Variants in P2RX5 observed in about 807,000 individuals in gnomAD.
The protein encoded by P2RX5 is purinergic receptor P2X 5.
A neutral mutation model predicts 54.1 loss-of-function variants in P2RX5; 46 were observed. The ratio of observed to expected loss-of-function variants is 0.85; its 90% CI spans 0.67 to 1.09. P2RX5 has a LOEUF of 1.09. Ranked by LOEUF, P2RX5 falls within the 50% of genes least tolerant of loss-of-function variation. The pLI is 0.00. For missense variants in P2RX5, 566 were observed against 549.8 expected, an observed-to-expected ratio of 1.03 and a Z score of -0.29; for synonymous variants, 226 against 226.4, an observed-to-expected ratio of 1.00 and a Z score of 0.02.
At chr17:3,702,027 C>T in the P2RX5 span, among the ~76,000 whole-genome samples, 65 of 152,266 alleles carry the variant, frequency 4.3e-4, no homozygotes, top group Non-Finnish European at 8.8e-4. Flanking sequence ...GATCCACCCA[C>T]CTGGGCCTCC....
In P2RX5 at chr17:3,679,652, C is replaced by A. The variant is rs780679419; in HGVS notation, c.1197G>T (p.Lys399Asn). 9 of 1,610,756 alleles carry A rather than the reference C, an allele frequency of 5.6e-6. No homozygotes were observed. The highest frequency in any genetic ancestry group is 5.0e-5 in the Admixed American group (3 of 60,000). Residue 399 changes from lysine (K) to asparagine (N), a missense_variant, in exon 11 of 12, where the codon AAG becomes AAT. Physicochemically the swap from Lys to Asn is moderately conservative, Grantham distance 94. Coordinates refer to ENST00000225328, the MANE Select transcript of P2RX5 (RefSeq NM_002561.4). ...TCCCCTTCTGACTGCTGCTTCCACG[C>A]TTCGCCTCGGGTGGCTCCTGCAGCT... Reference protein sequence around the residue: ...QQELQEPPEAKRGSSSQKGNG... With the variant: ...QQELQEPPEANRGSSSQKGNG...
the P2RX5 span, among the ~76,000 whole-genome samples, chr17:3,701,761 G>GTTT: frequency 1.2e-5 from 1 of 84,408 alleles, no homozygotes; most frequent in African/African-American, 5.3e-5. Context: ...TTTTTTTTTT[G>GTTT]TTTTTTTTTT....
chr17:3,679,519 G>T, intron 11 of P2RX5, 71 bp downstream of exon 11: 1 of 1,421,314 alleles, frequency 7.0e-7, no homozygotes, highest in Non-Finnish European at 9.8e-7. Flanking sequence ...TGCCAGGCAT[G>T]AGAAGCCCCA....
rs143635286 is a variant in P2RX5, at chr17:3,679,747, C to T, written c.1102G>A (p.Ala368Thr). ...EDSSQEAEDE[A>T]SGLGLSEQLT... Reference sequence around the variant, plus strand: ...TGCTCAGATAGCCCCAGCCCCGATGCCTCGTCCTCGGCCTCCTGGGAACTG... The same window carrying T: ...TGCTCAGATAGCCCCAGCCCCGATGTCTCGTCCTCGGCCTCCTGGGAACTG... The change falls in exon 11 of 12, where the codon GCA becomes ACA. Residue 368 changes from alanine to threonine, a missense_variant. Physicochemically the swap from Ala to Thr is moderately conservative, Grantham distance 58. Coordinates refer to ENST00000225328, the MANE Select transcript of P2RX5 (RefSeq NM_002561.4). The T allele has an allele frequency of 1.1e-5, 18 of 1,611,882 alleles. No individual in the cohort carries two copies. In the African/African-American group the frequency reaches 2.1e-4, roughly 19 times the overall value.
At chr17:3,683,544 A>G (rs113017373) in intron 9 of P2RX5, among the ~76,000 whole-genome samples, 131 of 152,308 alleles carry the variant, frequency 8.6e-4, no homozygotes, top group African/African-American at 3.0e-3. Context: ...CAGCCTGGCC[A>G]ACATGGTGAA....
upstream of P2RX5, among the ~76,000 whole-genome samples, chr17:3,698,807 C>T (rs1019478480): frequency 6.6e-6 from 1 of 152,060 alleles, no homozygotes; most frequent in African/African-American, 2.4e-5. Context: ...CTCTCGGGGA[C>T]AGGACCAGGC....
intron 11 of P2RX5, among the ~76,000 whole-genome samples, chr17:3,674,899 C>T (rs1448080593): frequency 6.6e-6 from 1 of 152,176 alleles, no homozygotes; most frequent in Non-Finnish European, 1.5e-5. Context: ...GGTTCAATGC[C>T]CCATTAGACT....
chr17:3,678,089 G>C, intron 11 of P2RX5: 3 of 985,444 alleles, frequency 3.0e-6, no homozygotes, highest in Non-Finnish European at 3.6e-6. Flanking sequence ...CATCTCCACT[G>C]TCTGCAGCTG....
chr17:3,684,941 G>A (rs2050397439), intron 9 of P2RX5, among the ~76,000 whole-genome samples: 1 of 146,562 alleles, frequency 6.8e-6, no homozygotes, highest in African/African-American at 2.5e-5. Context: ...CTCCTCCCGG[G>A]TTCAAGCGAT....
chr17:3,708,651 G>A, the P2RX5 span, among the ~76,000 whole-genome samples: 1 of 152,168 alleles, frequency 6.6e-6, no homozygotes, highest in Non-Finnish European at 1.5e-5. Flanking sequence ...CGGCACTGCA[G>A]AGCAATTACA....
chr17:3,675,992 C>G (rs1215550887), intron 11 of P2RX5: 3 of 985,374 alleles, frequency 3.0e-6, no homozygotes, highest in Non-Finnish European at 3.6e-6. Flanking sequence ...CATCCCTCTC[C>G]AAAGCCTCAG....
intron 9 of P2RX5, among the ~76,000 whole-genome samples, chr17:3,683,590 C>G (rs1372826321): frequency 2.6e-5 from 4 of 152,122 alleles, no homozygotes; most frequent in African/African-American, 9.7e-5. Flanking sequence ...ATTAACCGGG[C>G]GCGGTGGCGC....
the P2RX5 span, among the ~76,000 whole-genome samples, chr17:3,714,093 A>T: frequency 1.3e-5 from 2 of 150,428 alleles, no homozygotes; most frequent in Non-Finnish European, 3.0e-5. Context: ...GCACCCGGCT[A>T]ATTTTTTTTA....
chr17:3,708,284 C>T, the P2RX5 span, among the ~76,000 whole-genome samples: 3 of 152,222 alleles, frequency 2.0e-5, no homozygotes, highest in South Asian at 6.2e-4. Context: ...GAGCACATGG[C>T]TCTCTAATCC....
intron 10 of P2RX5, among the ~76,000 whole-genome samples, chr17:3,680,931 G>GAGTCCTC: frequency 7.1e-6 from 1 of 141,108 alleles, no homozygotes; most frequent in Non-Finnish European, 1.5e-5. Context: ...CCTCCACCCT[G>GAGTCCTC]CATCCTCCAC....
the P2RX5 span, among the ~76,000 whole-genome samples, chr17:3,721,246 G>A: frequency 3.3e-5 from 4 of 120,760 alleles, no homozygotes; most frequent in African/African-American, 9.1e-5. Context: ...TTTATTTAAC[G>A]TAAGAGATTT....
At chr17:3,711,370 C>CTTTTTTTTTT in the P2RX5 span, among the ~76,000 whole-genome samples, 550 of 63,102 alleles carry the variant, frequency 8.7e-3, 147 homozygotes, top group African/African-American at 0.038. Context: ...AGCACTCATT[C>CTTTTTTTTTT]TTTTTTTTTT....
chr17:3,683,259 TCCCCTGAC>T (rs2050336941), intron 9 of P2RX5, among the ~76,000 whole-genome samples: 1 of 152,082 alleles, frequency 6.6e-6, no homozygotes, highest in Non-Finnish European at 1.5e-5. Flanking sequence ...GGAATCTTGG[TCCCCTGAC>T]CCTGGGTGCT....
chr17:3,676,538 G>C, intron 11 of P2RX5: 3 of 985,408 alleles, frequency 3.0e-6, no homozygotes, highest in Non-Finnish European at 3.6e-6. Context: ...TTTCAGGGTG[G>C]GGGAGGAAGC....
Sources: gnomAD v4.1 joint callset for allele counts (sites outside exome capture counted in the v4.1 genomes callset) on GRCh38, gnomAD v4.1.1 for gene constraint, MANE v1.5 for transcripts, NCBI Gene and HGNC (gene_info 2026-07-23, HGNC 2026-07-21) for gene names.